The following UBXN2A variants were observed in gnomAD, a reference collection of about 807,000 sequenced individuals.
UBXN2A encodes the protein UBX domain protein 2A, also known as UBX domain-containing protein 2A.
Under a neutral mutation model 28.4 loss-of-function variants are expected in UBXN2A, and 28 were observed. That is an observed-to-expected ratio of 0.99 (90% CI 0.73 to 1.35). The LOEUF (loss-of-function observed/expected upper bound fraction) is 1.35. Ranked by LOEUF, UBXN2A falls within the 40% of genes most tolerant of loss-of-function variation. The pLI, the probability that UBXN2A is intolerant of heterozygous loss-of-function variation, is 0.00. For synonymous variants in UBXN2A, 97 were observed against 103.6 expected (o/e 0.94, Z 0.39); for missense variants, 253 against 297.9 (o/e 0.85, Z 1.11).
intron 1 of UBXN2A, among the ~76,000 whole-genome samples, chr2:23,929,712 C>CA (rs199982390): frequency 0.049 from 7,265 of 149,214 alleles, 236 homozygotes; most frequent in Middle Eastern, 0.075. Flanking sequence ...AACTCCATCT[C>CA]AAAAAAAAAT....
intron 1 of UBXN2A, among the ~76,000 whole-genome samples, chr2:23,931,635 G>C (rs184506009): frequency 4.6e-5 from 7 of 152,136 alleles, no homozygotes; most frequent in Non-Finnish European, 8.8e-5. Context: ...CAGGAACCCA[G>C]AACAAGTAAG....
intron 1 of UBXN2A, among the ~76,000 whole-genome samples, chr2:23,932,080 GA>G (rs1256040820): frequency 1.3e-5 from 2 of 152,030 alleles, no homozygotes; most frequent in African/African-American, 4.8e-5. Context: ...AGAACTTTGG[GA>G]GGCTGAGGCA....
At chr2:23,999,474 CTT>C (rs1445433073) in intron 6 of UBXN2A, among the ~76,000 whole-genome samples, 196 bp from the exon 7 acceptor site, 1 of 152,022 alleles carries the variant, frequency 6.6e-6, no homozygotes, top group Non-Finnish European at 1.5e-5. Flanking sequence ...GATCTCAGCA[CTT>C]TGGGAGGCTG....
At chr2:23,983,060 C>T (rs1171267333) in intron 5 of UBXN2A, 27 bp downstream of exon 5, 7 of 1,566,304 alleles carry the variant, frequency 4.5e-6, no homozygotes, top group Admixed American at 1.9e-5. Context: ...TCTTGTTTTG[C>T]ATAGATCAAG....
chr2:23,982,321 C>T (rs929999348), intron 4 of UBXN2A, among the ~76,000 whole-genome samples: 4 of 151,274 alleles, frequency 2.6e-5, no homozygotes, highest in East Asian at 3.9e-4. Context: ...GGGCCGAGAT[C>T]GTGCCACTGC....
rs573101803 is a variant in UBXN2A, at chr2:23,949,160, C to T, written c.-15+8512C>T. Among the ~76,000 whole-genome samples, 108 of 144,212 alleles carry T rather than the reference C, an allele frequency of 7.5e-4. 1 individual carries two copies. The highest frequency in any genetic ancestry group is 2.8e-3 in the African/African-American group (107 of 38,906). 94.6% of individuals were successfully genotyped at this position (144,212 alleles called of 152,430 possible). On this transcript the variant is annotated intron_variant, in intron 1 of 6. Transcript: ENST00000309033. Reference sequence around the variant, plus strand: ...TATTTTTAGTAGAGACGGAGTTTCACCATGTTGGCCAGGCTGGTCTTGAAC... The same window carrying T: ...TATTTTTAGTAGAGACGGAGTTTCATCATGTTGGCCAGGCTGGTCTTGAAC...
intron 1 of UBXN2A, among the ~76,000 whole-genome samples, chr2:23,953,911 T>G (rs1260272246): frequency 6.6e-6 from 1 of 152,174 alleles, no homozygotes; most frequent in African/African-American, 2.4e-5. Context: ...TGAGGCATGT[T>G]TTTTTGTCTG....
upstream of UBXN2A, chr2:23,939,704 A>C (rs1705650499): frequency 6.6e-6 from 1 of 152,396 alleles, no homozygotes; most frequent in Non-Finnish European, 1.5e-5. Flanking sequence ...GAGGCGAAGA[A>C]CTGGAATTTA....
chr2:23,974,583 T>A (rs1707573824), intron 3 of UBXN2A, among the ~76,000 whole-genome samples: 1 of 151,814 alleles, frequency 6.6e-6, no homozygotes, highest in Admixed American at 6.6e-5. Flanking sequence ...CTTGACCTCA[T>A]GATCCGCCTG....
At chr2:23,998,507 G>T (rs975875834) in intron 6 of UBXN2A, among the ~76,000 whole-genome samples, 2 of 152,086 alleles carry the variant, frequency 1.3e-5, no homozygotes, top group Non-Finnish European at 2.9e-5. Flanking sequence ...ATCACCTGAG[G>T]TCAGGAGTTC....
chr2:23,976,823 C>A, intron 3 of UBXN2A, 146 bp from the exon 4 acceptor site: 1 of 559,596 alleles, frequency 1.8e-6, no homozygotes, highest in Non-Finnish European at 3.2e-6. Context: ...TCAAGTAGTC[C>A]TCCTGTCTTG....
At chr2:23,934,391 G>T (rs1214710615) in intron 1 of UBXN2A, among the ~76,000 whole-genome samples, 2 of 152,210 alleles carry the variant, frequency 1.3e-5, no homozygotes, top group East Asian at 3.8e-4. Flanking sequence ...TGCAGAAACA[G>T]TTCCATCATC....
At chr2:23,988,969 C>T (rs969361783) in intron 6 of UBXN2A, among the ~76,000 whole-genome samples, 4 of 151,976 alleles carry the variant, frequency 2.6e-5, no homozygotes, top group Non-Finnish European at 2.9e-5. Context: ...GTTCATTCTA[C>T]GCTTTTCCAG....
chr2:23,965,219 T>C (rs982740746), intron 2 of UBXN2A, among the ~76,000 whole-genome samples: 1 of 152,156 alleles, frequency 6.6e-6, no homozygotes, highest in African/African-American at 2.4e-5. Context: ...CCTTTCCTTA[T>C]CTTACTGGAT....
chr2:23,993,926 G>A (rs1708442547), intron 6 of UBXN2A, among the ~76,000 whole-genome samples: 1 of 151,956 alleles, frequency 6.6e-6, no homozygotes, highest in South Asian at 2.1e-4. Context: ...CTGACCTTGT[G>A]GTCCGCCTCG....
intron 6 of UBXN2A, among the ~76,000 whole-genome samples, chr2:23,993,349 A>G (rs1573609812): frequency 6.6e-6 from 1 of 152,256 alleles, no homozygotes; most frequent in Non-Finnish European, 1.5e-5. Context: ...AGCGTTTAAA[A>G]ATTTTTGGCC....
rs1465459789 is a variant in UBXN2A, at chr2:23,965,870, A to AT, written c.42-5404dup. On this transcript the variant is annotated intron_variant, in intron 2 of 6. Coordinates refer to ENST00000309033, the MANE Select transcript of UBXN2A (RefSeq NM_181713.4). Reference sequence around the variant, plus strand: ...CTTCTGTTTCGGAAGGTTATATATTATTGATTTAATTCCCTTAGTATGCAT... The same window carrying AT: ...CTTCTGTTTCGGAAGGTTATATATTATTTGATTTAATTCCCTTAGTATGCAT... Among the ~76,000 whole-genome samples the AT allele has an allele frequency of 7.2e-5, 11 of 152,230 alleles. No individual in the cohort carries two copies. The East Asian group carries it at 2.1e-3, about 29-fold the overall frequency.
At chr2:23,948,059 T>C (rs1207208037) in intron 1 of UBXN2A, among the ~76,000 whole-genome samples, 1 of 151,920 alleles carries the variant, frequency 6.6e-6, no homozygotes, top group Non-Finnish European at 1.5e-5. Flanking sequence ...TTCATCATGT[T>C]GGCCAGGCTG....
intron 2 of UBXN2A, among the ~76,000 whole-genome samples, chr2:23,969,444 C>A (rs1185550381): frequency 6.6e-6 from 1 of 151,936 alleles, no homozygotes; most frequent in South Asian, 2.1e-4. Context: ...CTCACTGTGA[C>A]CTCCACCTCC....
Sources: gnomAD v4.1 joint callset for allele counts (sites outside exome capture counted in the v4.1 genomes callset) on GRCh38, gnomAD v4.1.1 for gene constraint, MANE v1.5 for transcripts, NCBI Gene and HGNC (gene_info 2026-07-23, HGNC 2026-07-21) for gene names.